Variants in NDUFAF7 observed in about 807,000 individuals in gnomAD.
NDUFAF7 encodes NADH:ubiquinone oxidoreductase complex assembly factor 7.
Under a neutral mutation model 47.2 loss-of-function variants are expected in NDUFAF7, and 48 were observed. The ratio of observed to expected loss-of-function variants is 1.02; its 90% CI spans 0.81 to 1.29. The LOEUF (loss-of-function observed/expected upper bound fraction) is 1.29. NDUFAF7 is among the 50% of genes most tolerant of loss of function. The probability of loss-of-function intolerance (pLI) is 0.00; values close to 1 mark genes in which losing one functional copy is unlikely to be tolerated. For synonymous variants in NDUFAF7, 217 were observed against 190.0 expected (o/e 1.14, Z -1.17); for missense variants, 635 against 537.6 (o/e 1.18, Z -1.79).
At chr2:37,259,834 AC>A in the NDUFAF7 span, among the ~76,000 whole-genome samples, 1 of 152,226 alleles carries the variant, frequency 6.6e-6, no homozygotes, top group Admixed American at 6.5e-5. Flanking sequence ...AACAATTCCC[AC>A]AATCACCCAA....
At chr2:37,249,643 G>GACAGACACAC (rs1261022368), downstream of NDUFAF7, among the ~76,000 whole-genome samples, 1,029 of 132,622 alleles carry the variant, frequency 7.8e-3, 27 homozygotes, top group African/African-American at 0.029. Flanking sequence ...CTGTGATAGA[G>GACAGACACAC]ACACACACAC....
At chr2:37,253,467 C>G (rs1394432352), downstream of NDUFAF7, 1 of 788,218 alleles carries the variant, frequency 1.3e-6, no homozygotes, top group Non-Finnish European at 1.9e-6. Flanking sequence ...AATTGACAGG[C>G]GCTACTCATA....
At chr2:37,249,859 T>G (rs958731599), downstream of NDUFAF7, among the ~76,000 whole-genome samples, 4 of 152,046 alleles carry the variant, frequency 2.6e-5, no homozygotes, top group Non-Finnish European at 5.9e-5. Context: ...ATGTCTTGAA[T>G]TTACGGCTTA....
intron 4 of NDUFAF7, among the ~76,000 whole-genome samples, chr2:37,238,104 G>T (rs562615801): frequency 6.6e-6 from 1 of 152,122 alleles, no homozygotes; most frequent in African/African-American, 2.4e-5. Flanking sequence ...GACATTATGG[G>T]AGAGTGTATT....
rs759331063 is a variant in NDUFAF7 at position 37,231,668 on chromosome 2, C to T, written c.-38C>T. The T allele has an allele frequency of 6.2e-6, 10 of 1,614,066 alleles. No homozygotes were observed. In the Admixed American group the frequency reaches 8.3e-5, roughly 13 times the overall value. On this transcript the variant is annotated 5_prime_UTR_variant, in exon 1 of 10. Coordinates refer to ENST00000002125, the MANE Select transcript of NDUFAF7 (RefSeq NM_144736.5). ...CTTCTCCCGGAAATGGTCTAAGCCC[C>T]AGCTCCTGGCGGAGCGAGCTAGCCT...
downstream of NDUFAF7, chr2:37,253,030 T>C: frequency 2.8e-6 from 2 of 706,348 alleles, no homozygotes; most frequent in Non-Finnish European, 4.2e-6. Context: ...CTACTCATTA[T>C]GAACTACAGT....
Position 37,248,156 on chromosome 2 carries a change from G to C in NDUFAF7, c.1132G>C (p.Glu378Gln), listed in dbSNP as rs1176771401. ...RLKVLLDKSNEPSVRQQLLQG... is the reference protein window; with the variant it reads ...RLKVLLDKSNQPSVRQQLLQG... ...TCAGGTTCTTTTAGATAAATCAAAT[G>C]AGCCATCAGTGAGGCAGCAGTTACT... Residue 378 changes from glutamate to glutamine, a missense_variant, in exon 10 of 10, where the codon GAG becomes CAG. Transcript: ENST00000002125. 1.2e-6 allele frequency: 2 copies of C among 1,613,650 alleles called. No homozygotes were observed. Among genetic ancestry groups the C allele is most frequent in the Admixed American group, 3.3e-5 (2 of 59,990 alleles).
intron 9 of NDUFAF7, 142 bp from the exon 10 acceptor site, chr2:37,247,993 A>G: frequency 2.7e-6 from 2 of 739,782 alleles, no homozygotes; most frequent in Non-Finnish European, 4.6e-6. Flanking sequence ...TTTAATAAGT[A>G]CTCTATGATT....
the NDUFAF7 span, chr2:37,269,515 C>A: frequency 4.8e-6 from 5 of 1,038,484 alleles, no homozygotes; most frequent in South Asian, 1.3e-5. Context: ...AAAAAAGGCA[C>A]TGGACAAAAC....
At chr2:37,261,263 G>C in the NDUFAF7 span, among the ~76,000 whole-genome samples, 7 of 152,024 alleles carry the variant, frequency 4.6e-5, no homozygotes, top group African/African-American at 1.7e-4. Flanking sequence ...GAGGCAGGTG[G>C]ATCATTTGAG....
At position 37,233,590 on chromosome 2, in the gene NDUFAF7, C is replaced by T. The variant is rs562164602; in HGVS notation, c.216+1324C>T. Among the ~76,000 whole-genome samples the T allele has an allele frequency of 2.0e-5, 3 of 150,682 alleles. No individual in the cohort carries two copies. The South Asian group carries it at 6.3e-4, about 32-fold the overall frequency. ...TGAGCCTAGATTTCGCCATTGCACT[C>T]CAGCCTGGGCAACAGAGCGAGACTC... On this transcript the variant is annotated intron_variant, in intron 2 of 9. Coordinates refer to ENST00000002125, the MANE Select transcript of NDUFAF7 (RefSeq NM_144736.5).
At chr2:37,254,295 G>T, downstream of NDUFAF7, 1 of 1,609,268 alleles carries the variant, frequency 6.2e-7, no homozygotes, top group Admixed American at 1.7e-5. Flanking sequence ...AATTGCTAAG[G>T]GAAAAGACAA....
At chr2:37,243,439 G>C (rs978588362) in intron 6 of NDUFAF7, among the ~76,000 whole-genome samples, 23 of 152,102 alleles carry the variant, frequency 1.5e-4, no homozygotes, top group Non-Finnish European at 2.8e-4. Context: ...GCAACAAAGC[G>C]AGAGCTTGTC....
At chr2:37,263,422 G>GT in the NDUFAF7 span, among the ~76,000 whole-genome samples, 21 of 152,186 alleles carry the variant, frequency 1.4e-4, no homozygotes, top group Admixed American at 6.5e-5. Context: ...ACAGAGGTCA[G>GT]TATAATCTGC....
rs1474399604 is a variant in NDUFAF7, at chr2:37,241,640, A to G, written c.471A>G (p.Val157=). 6.2e-7 allele frequency: 1 copy of G among 1,613,990 alleles called. No homozygotes were observed. The highest frequency in any genetic ancestry group is 2.2e-5 in the East Asian group (1 of 44,870). ...NCDISVHLVE[V]SQKLSEIQAL... is the part of the protein sequence containing the mutation. ...ACATTTCAGTACATCTGGTAGAGGT[A>G]AGCCAAAAATTAAGTGAGATTCAAG... Residue 157 remains valine, a synonymous_variant, in exon 5 of 10, where the codon GTA becomes GTG. Coordinates refer to ENST00000002125, the MANE Select transcript of NDUFAF7 (RefSeq NM_144736.5).
chr2:37,237,081 C>T (rs1314951535), intron 3 of NDUFAF7, among the ~76,000 whole-genome samples: 1 of 152,138 alleles, frequency 6.6e-6, no homozygotes, highest in African/African-American at 2.4e-5. Flanking sequence ...AGCGATTCTC[C>T]TGCCTCAGCC....
chr2:37,264,383 G>C, the NDUFAF7 span, among the ~76,000 whole-genome samples: 2 of 152,086 alleles, frequency 1.3e-5, no homozygotes, highest in African/African-American at 4.8e-5. Context: ...AACAAAACTT[G>C]ACAAAGATGC....
At position 37,246,094 on chromosome 2, in the gene NDUFAF7, G is replaced by T. The variant is rs759029132; in HGVS notation, c.835G>T (p.Gly279Cys). 3.1e-6 allele frequency: 5 copies of T among 1,613,830 alleles called. No homozygotes were observed. In the Admixed American group the frequency reaches 5.0e-5, roughly 16 times the overall value. The change falls in exon 8 of 10, where the codon GGT becomes TGT. Residue 279 changes from glycine to cysteine, a missense_variant. Transcript: ENST00000002125. ...TCATGTTGAAGTGTGTCCTGATGCT[G>T]GTGTTATCATCGAGGAACTTTCTCA... Reference protein sequence around the residue: ...RDHVEVCPDAGVIIEELSQRI... With the variant: ...RDHVEVCPDACVIIEELSQRI...
chr2:37,243,356 G>C (rs1281348018), intron 6 of NDUFAF7, among the ~76,000 whole-genome samples: 1 of 152,128 alleles, frequency 6.6e-6, no homozygotes, highest in African/African-American at 2.4e-5. Flanking sequence ...GGAGGCTGAG[G>C]CATGAGAATC....
Sources: gnomAD v4.1 joint callset for allele counts (sites outside exome capture counted in the v4.1 genomes callset) on GRCh38, gnomAD v4.1.1 for gene constraint, MANE v1.5 for transcripts, NCBI Gene and HGNC (gene_info 2026-07-23, HGNC 2026-07-21) for gene names.